The following CNIH3 variants were observed in gnomAD, a reference collection of about 807,000 sequenced individuals.
The protein encoded by CNIH3 is cornichon family AMPA receptor auxiliary protein 3.
Under a neutral mutation model 24.1 loss-of-function variants are expected in CNIH3, and 14 were observed. The ratio of observed to expected loss-of-function variants is 0.58; its 90% CI spans 0.38 to 0.91. The LOEUF (loss-of-function observed/expected upper bound fraction) is 0.91, where lower values mean the gene tolerates loss of function less well. CNIH3 is among the 40% of genes least tolerant of loss of function. The pLI, the probability that CNIH3 is intolerant of heterozygous loss-of-function variation, is 0.00. For synonymous variants in CNIH3, 68 were observed against 73.8 expected, an observed-to-expected ratio of 0.92 and a Z score of 0.40; for missense variants, 178 against 196.8, an observed-to-expected ratio of 0.90 and a Z score of 0.57.
rs113756430 is a variant in CNIH3, at chr1:224,518,946, A to G, written n.16-2054A>G. The stretch of plus-strand genomic sequence containing the variant: ...CAATCTCTTAGTGGTACCAATTATG[A>G]GCATGTGATCTTGGGAAATTACCTT... On this transcript the variant is annotated intron_variant and non_coding_transcript_variant, in intron 1 of 2. Coordinates refer to the CNIH3 transcript ENST00000470602. Among the ~76,000 whole-genome samples the G allele has an allele frequency of 3.9e-3, 598 of 152,304 alleles. 4 individuals are homozygous for G. The highest frequency in any genetic ancestry group is 0.014 in the African/African-American group (567 of 41,556).
chr1:224,592,101 A>G (rs1177840149), downstream of CNIH3, among the ~76,000 whole-genome samples: 1 of 151,514 alleles, frequency 6.6e-6, no homozygotes, highest in Non-Finnish European at 1.5e-5. Context: ...TCTTCATTCC[A>G]TGTGTCTGTA....
rs759304496 is a variant in CNIH3 at position 224,588,412 on chromosome 1, G to C, written n.672G>C. On this transcript the variant is annotated non_coding_transcript_exon_variant, in exon 6 of 6. Coordinates refer to the CNIH3 transcript ENST00000471578. Reference sequence around the variant, plus strand: ...CAGGAGTGTGAGATCTATGGAGTGGGCTCAGCTCATGGAGCAAGGAGGACG... The same window carrying C: ...CAGGAGTGTGAGATCTATGGAGTGGCCTCAGCTCATGGAGCAAGGAGGACG... 4 of 152,150 alleles carry C rather than the reference G, an allele frequency of 2.6e-5. No individual in the cohort carries two copies. The East Asian group carries it at 7.7e-4, about 29-fold the overall frequency. 9.4% of individuals were successfully genotyped at this position (152,150 alleles called of 1,614,324 possible).
chr1:224,689,932 A>C (rs1686848220), intron 3 of CNIH3, among the ~76,000 whole-genome samples: 2 of 152,024 alleles, frequency 1.3e-5, no homozygotes, highest in South Asian at 4.2e-4. Context: ...GGGCCCCTAC[A>C]AAGTGCAGGT....
intron 1 of CNIH3, among the ~76,000 whole-genome samples, chr1:224,648,126 G>A (rs904010482): frequency 6.6e-5 from 10 of 152,164 alleles, no homozygotes; most frequent in Non-Finnish European, 1.0e-4. Flanking sequence ...GCGGCTGGGC[G>A]CAGTGGCTCA....
intron 3 of CNIH3, among the ~76,000 whole-genome samples, chr1:224,605,359 C>G (rs1483012749): frequency 6.6e-6 from 1 of 152,194 alleles, no homozygotes; most frequent in Non-Finnish European, 1.5e-5. Context: ...ATGTCTGACT[C>G]CATCTTGCTT....
intron 1 of CNIH3, among the ~76,000 whole-genome samples, chr1:224,452,521 C>T (rs112379369): frequency 0.23 from 34,744 of 151,664 alleles, 4,419 homozygotes; most frequent in Non-Finnish European, 0.3. Context: ...GTGGCTCACA[C>T]CTGTAATCCC....
intron 2 of CNIH3, among the ~76,000 whole-genome samples, chr1:224,532,138 G>A (rs1326975270): frequency 6.6e-6 from 1 of 152,244 alleles, no homozygotes; most frequent in East Asian, 1.9e-4. Flanking sequence ...GGGAACTCGG[G>A]GCATGGGTGG....
intron 3 of CNIH3, among the ~76,000 whole-genome samples, chr1:224,688,376 T>A (rs563162601): frequency 6.6e-6 from 1 of 152,292 alleles, no homozygotes; most frequent in African/African-American, 2.4e-5. Context: ...GGCATGCAGG[T>A]CTGTCTCCTC....
chr1:224,489,352 T>G (rs1254756588), intron 1 of CNIH3, among the ~76,000 whole-genome samples: 1 of 152,178 alleles, frequency 6.6e-6, no homozygotes, highest in Non-Finnish European at 1.5e-5. Flanking sequence ...TTTCAGGATT[T>G]CCCCCACTTT....
chr1:224,453,403 G>T (rs1675511811), intron 1 of CNIH3, among the ~76,000 whole-genome samples: 1 of 151,702 alleles, frequency 6.6e-6, no homozygotes, highest in Non-Finnish European at 1.5e-5. Context: ...GCCCAGGCTG[G>T]TCTTGAACTC....
At chr1:224,470,866 T>G (rs1676341421) in intron 1 of CNIH3, among the ~76,000 whole-genome samples, 1 of 152,202 alleles carries the variant, frequency 6.6e-6, no homozygotes, top group Non-Finnish European at 1.5e-5. Context: ...ACGAGCTATT[T>G]TGATACAGAC....
At chr1:224,673,880 C>T (rs10915689) in intron 1 of CNIH3, among the ~76,000 whole-genome samples, 33,691 of 151,960 alleles carry the variant, frequency 0.22, 3,840 homozygotes, top group African/African-American at 0.27. Context: ...GGCAGCACAG[C>T]GTGCTGGATG....
At chr1:224,567,670 C>CA (rs551808074) in intron 4 of CNIH3, among the ~76,000 whole-genome samples, 80 of 152,296 alleles carry the variant, frequency 5.3e-4, no homozygotes, top group African/African-American at 1.9e-3. Flanking sequence ...ATCCACTGTG[C>CA]CTCTATTTTT....
At chr1:224,693,454 T>G (rs1400503170) in intron 3 of CNIH3, among the ~76,000 whole-genome samples, 1 of 152,228 alleles carries the variant, frequency 6.6e-6, no homozygotes, top group Admixed American at 6.5e-5. Flanking sequence ...TCAGTTCTGT[T>G]GACCTTGGCT....
At position 224,730,470 on chromosome 1, in the gene CNIH3, G is replaced by A. The variant is rs1689267486; in HGVS notation, c.207G>A (p.Leu69=). ...RICFLLRKLV[L]PEYSIHSLFC... ...CTCTGCTCCCTCTTCAGCTGGTGCTGCCAGAATACTCCATCCATAGCCTCT... is the reference window on the plus strand; with the variant it reads ...CTCTGCTCCCTCTTCAGCTGGTGCTACCAGAATACTCCATCCATAGCCTCT... The change falls in exon 4 of 6, where the codon CTG becomes CTA. Residue 69 remains leucine (L), a synonymous_variant. Transcript: ENST00000272133. The A allele has an allele frequency of 1.9e-6, 3 of 1,555,360 alleles. No homozygotes were observed. Among genetic ancestry groups the A allele is most frequent in the Non-Finnish European group, 2.6e-6 (3 of 1,147,870 alleles).
chr1:224,537,945 A>C (rs1267498591), downstream of CNIH3, among the ~76,000 whole-genome samples: 1 of 151,514 alleles, frequency 6.6e-6, no homozygotes, highest in Non-Finnish European at 1.5e-5. Context: ...AATCAGACAC[A>C]TTATTATTAT....
At chr1:224,651,446 TG>T (rs1351381472) in intron 1 of CNIH3, among the ~76,000 whole-genome samples, 1 of 152,242 alleles carries the variant, frequency 6.6e-6, no homozygotes, top group Non-Finnish European at 1.5e-5. Flanking sequence ...TTGCAGTTTT[TG>T]TTGCTGTCAT....
Position 224,684,756 on chromosome 1 carries a change from C to T in CNIH3, c.151-40C>T. 6.3e-7 allele frequency: 1 copy of T among 1,596,292 alleles called. No individual in the cohort carries two copies. Among genetic ancestry groups the T allele is most frequent in the Non-Finnish European group, 8.6e-7 (1 of 1,163,860 alleles). On this transcript the variant is annotated intron_variant, in intron 2 of 5. Coordinates refer to ENST00000272133, the MANE Select transcript of CNIH3 (RefSeq NM_152495.2). The surrounding 1 kb of genome is among the most constrained non-coding windows in gnomAD (Gnocchi z 4.2). ...TTCTCATGCTATTTTAGCAGAACCC[C>T]TAACCTCCCCTCTCATTTCTTTCTT... is the stretch of plus-strand genomic sequence containing the variant.
chr1:224,627,475 C>T (rs550971028), intron 1 of CNIH3, among the ~76,000 whole-genome samples: 5 of 152,236 alleles, frequency 3.3e-5, no homozygotes, highest in South Asian at 4.1e-4. Context: ...CCTCCCGCCT[C>T]GGTCTCCCAA....
Sources: gnomAD v4.1 joint callset for allele counts (sites outside exome capture counted in the v4.1 genomes callset) on GRCh38, gnomAD v4.1.1 for gene constraint, Gnocchi (gnomAD v3.1) non-coding constraint, MANE v1.5 for transcripts, NCBI Gene and HGNC (gene_info 2026-07-23, HGNC 2026-07-21) for gene names.